KCNA2: variants seen among roughly 807,000 people sequenced by gnomAD.
KCNA2 encodes potassium voltage-gated channel subfamily A member 2, also known as potassium channel, voltage gated shaker related subfamily A, member 2.
A neutral mutation model predicts 33.4 loss-of-function variants in KCNA2; 11 were observed. The ratio of observed to expected loss-of-function variants is 0.33; its 90% CI spans 0.21 to 0.55. The LOEUF (loss-of-function observed/expected upper bound fraction) is 0.55. Ranked by LOEUF, KCNA2 falls within the 20% of genes least tolerant of loss-of-function variation. KCNA2 has a pLI of 0.93. For missense variants in KCNA2, 291 were observed against 621.6 expected (o/e 0.47, Z 5.66); for synonymous variants, 222 against 231.3 (o/e 0.96, Z 0.37).
intron 1 of KCNA2, among the ~76,000 whole-genome samples, chr1:110,615,487 TC>T (rs1444375067): frequency 6.6e-6 from 1 of 152,192 alleles, no homozygotes; most frequent in African/African-American, 2.4e-5. Flanking sequence ...AGTCCCCTAC[TC>T]CCAAACTCTC....
At chr1:110,606,155 C>CAG (rs3050009) in intron 1 of KCNA2, 73 bp downstream of exon 1, 33,118 of 154,676 alleles carry the variant, frequency 0.21, 5,317 homozygotes, top group African/African-American at 0.41. Context: ...CCAGCACACA[C>CAG]ACTCCTTCAG....
In KCNA2 at chr1:110,599,368, G is replaced by C. The variant is rs189059338; in HGVS notation, c.*3915C>G. On this transcript the variant is annotated 3_prime_UTR_variant, in exon 3 of 3. Coordinates refer to ENST00000316361, the MANE Select transcript of KCNA2 (RefSeq NM_004974.4). ...CAGGCCCTCTAAAAAGTGTTAGCTT[G>C]CTTAGCCTTAGATGTATGTTCTTAA... The C allele has an allele frequency of 1.0e-6, 1 of 985,374 alleles. No homozygotes were observed. Among genetic ancestry groups the C allele is most frequent in the East Asian group, 1.1e-4 (1 of 8,822 alleles). 61.0% of individuals were successfully genotyped at this position (985,374 alleles called of 1,614,324 possible). A position where few individuals can be genotyped will look rare whatever the true frequency, so the allele number is the denominator to read the frequency against.
At chr1:110,620,043 A>C (rs1331281271) in intron 1 of KCNA2, among the ~76,000 whole-genome samples, 1 of 125,246 alleles carries the variant, frequency 8.0e-6, no homozygotes, top group Non-Finnish European at 1.6e-5. Context: ...TGAGAGAGAG[A>C]GAGCGAGAGC....
Position 110,594,505 on chromosome 1 carries a change from A to T in KCNA2, c.*8778T>A. The T allele has an allele frequency of 2.0e-6, 2 of 985,338 alleles. No homozygotes were observed. The highest frequency in any genetic ancestry group is 2.4e-6 in the Non-Finnish European group (2 of 829,934). 61.0% of individuals were successfully genotyped at this position (985,338 alleles called of 1,614,324 possible). On this transcript the variant is annotated 3_prime_UTR_variant, in exon 3 of 3. Coordinates refer to ENST00000316361, the MANE Select transcript of KCNA2 (RefSeq NM_004974.4). ...TTGATTGCTGGCACCATTAATCGCAACTGTTCCAAGATTATCCTTAGTGGA... is the reference window on the plus strand; with the variant it reads ...TTGATTGCTGGCACCATTAATCGCATCTGTTCCAAGATTATCCTTAGTGGA...
chr1:110,613,078 G>T (rs1649931705), intron 1 of KCNA2, among the ~76,000 whole-genome samples: 1 of 152,228 alleles, frequency 6.6e-6, no homozygotes, highest in Admixed American at 6.5e-5. Context: ...TTCCAGGAAG[G>T]TGTCAAGAAA....
Position 110,603,220 on chromosome 1 carries a change from G to C in KCNA2, c.*63C>G. ...CACTGTAGAACACACTGACTACAATGCAGGCTATTATGCAACATCTGCATT... is the reference window on the plus strand; with the variant it reads ...CACTGTAGAACACACTGACTACAATCCAGGCTATTATGCAACATCTGCATT... On this transcript the variant is annotated 3_prime_UTR_variant, in exon 3 of 3. Transcript: ENST00000316361. This position sits in a 1 kb window ranked among gnomAD's most constrained non-coding sequence, Gnocchi z 5.7. 6.5e-7 allele frequency: 1 copy of C among 1,542,614 alleles called. No individual in the cohort carries two copies. Among genetic ancestry groups the C allele is most frequent in the Non-Finnish European group, 8.7e-7 (1 of 1,146,732 alleles).
chr1:110,606,196 GTC>G (rs1215403269), intron 1 of KCNA2, 30 bp downstream of exon 1: 1 of 152,598 alleles, frequency 6.6e-6, no homozygotes, highest in Non-Finnish European at 1.5e-5. Context: ...ACACAACAAA[GTC>G]TGCACTGTAC....
chr1:110,610,314 T>G (rs534710209), upstream of KCNA2, among the ~76,000 whole-genome samples: 6 of 152,282 alleles, frequency 3.9e-5, no homozygotes, highest in East Asian at 1.2e-3. Flanking sequence ...GTTCTTCCCA[T>G]TTGTGAATCT....
In KCNA2 at chr1:110,613,322, G is replaced by A. The variant is rs570527057; in HGVS notation, c.-495-7600C>T. Among the ~76,000 whole-genome samples the A allele has an allele frequency of 2.0e-5, 3 of 152,280 alleles. No homozygotes were observed. The South Asian group carries it at 6.2e-4, about 32-fold the overall frequency. ...CTGAGGGGCCTGTGTCCATCTGCAC[G>A]CAGTCTTCCACTAGGTGGAAGCACC... is the stretch of plus-strand genomic sequence containing the variant. On this transcript the variant is annotated intron_variant, in intron 1 of 4. Coordinates refer to the KCNA2 transcript ENST00000369770.
chr1:110,595,857 C>T lies in KCNA2; in HGVS notation c.*7426G>A. 1 of 985,442 alleles carries T rather than the reference C, an allele frequency of 1.0e-6. No homozygotes were observed. The highest frequency in any genetic ancestry group is 1.2e-6 in the Non-Finnish European group (1 of 829,934). 61.0% of individuals were successfully genotyped at this position (985,442 alleles called of 1,614,324 possible). On this transcript the variant is annotated 3_prime_UTR_variant, in exon 3 of 3. Coordinates refer to ENST00000316361, the MANE Select transcript of KCNA2 (RefSeq NM_004974.4). ...ATTGGAATGTTACTTTCAGATCTCA[C>T]AAACCTCAAACCTAGGGCACCACCA...
Position 110,601,788 on chromosome 1 carries a change from A to ATGTGTGTGTGTG in KCNA2, c.*1494_*1495insCACACACACACA, listed in dbSNP as rs774362380. 42 of 1,180,530 alleles carry ATGTGTGTGTGTG rather than the reference A, an allele frequency of 3.6e-5. No homozygotes were observed. The East Asian group carries it at 5.7e-4, about 16-fold the overall frequency. 73.1% of individuals were successfully genotyped at this position (1,180,530 alleles called of 1,614,324 possible). The stretch of plus-strand genomic sequence containing the variant: ...AACTCCAGAAAATGAATATATATAT[A>ATGTGTGTGTGTG]TATATATGTGTGTGTGTGTGTGTGT... On this transcript the variant is annotated 3_prime_UTR_variant, in exon 3 of 3. Coordinates refer to ENST00000316361, the MANE Select transcript of KCNA2 (RefSeq NM_004974.4).
At chr1:110,612,148 C>T (rs1457009587) in intron 1 of KCNA2, among the ~76,000 whole-genome samples, 1 of 152,142 alleles carries the variant, frequency 6.6e-6, no homozygotes, top group Non-Finnish European at 1.5e-5. Flanking sequence ...CCATGAGGCC[C>T]CCTGCTGCTA....
intron 1 of KCNA2, among the ~76,000 whole-genome samples, chr1:110,628,173 T>C (rs1570770797): frequency 6.6e-6 from 1 of 152,202 alleles, no homozygotes; most frequent in African/African-American, 2.4e-5. Flanking sequence ...TATTTAGCCC[T>C]GAGCATTAAT....
At position 110,601,701 on chromosome 1, in the gene KCNA2, A is replaced by G; in HGVS notation, c.*1582T>C. The G allele has an allele frequency of 8.9e-7, 1 of 1,122,914 alleles. No homozygotes were observed. The highest frequency in any genetic ancestry group is 1.1e-6 in the Non-Finnish European group (1 of 920,708). The allele number at this position is 1,122,914 out of a possible 1,614,324, so 69.6% of individuals were successfully genotyped here. On this transcript the variant is annotated 3_prime_UTR_variant, in exon 3 of 3. Coordinates refer to ENST00000316361, the MANE Select transcript of KCNA2 (RefSeq NM_004974.4). The stretch of plus-strand genomic sequence containing the variant: ...CCCAGTGGGGTTACCAATGAGACAA[A>G]TTAACCCATTAGGCCTCTTAGACAG...
At position 110,598,196 on chromosome 1, in the gene KCNA2, C is replaced by G; in HGVS notation, c.*5087G>C. The G allele has an allele frequency of 1.8e-6, 1 of 562,746 alleles. No homozygotes were observed. Among genetic ancestry groups the G allele is most frequent in the Non-Finnish European group, 2.3e-6 (1 of 443,912 alleles). The allele number at this position is 562,746 out of a possible 1,614,324, so 34.9% of individuals were successfully genotyped here. ...CCAAGGAGCACCATGGATATTATAG[C>G]CCTCGCAGATGAGGCGGCCATCACC... On this transcript the variant is annotated 3_prime_UTR_variant, in exon 3 of 3. Coordinates refer to ENST00000316361, the MANE Select transcript of KCNA2 (RefSeq NM_004974.4).
chr1:110,626,307 A>G (rs1029007632), intron 1 of KCNA2, among the ~76,000 whole-genome samples: 4 of 152,222 alleles, frequency 2.6e-5, no homozygotes, highest in African/African-American at 9.7e-5. Flanking sequence ...TTTGATACAG[A>G]AAAAAGCTCT....
rs41281372 is a variant in KCNA2, at chr1:110,602,630, G to A, written c.*653C>T. 9.3e-3 allele frequency: 9,260 copies of A among 996,682 alleles called. 57 individuals are homozygous for A. The highest frequency in any genetic ancestry group is 0.011 in the Non-Finnish European group (8,809 of 837,346). 61.7% of individuals were successfully genotyped at this position (996,682 alleles called of 1,614,324 possible). A position where few individuals can be genotyped will look rare whatever the true frequency, so the allele number is the denominator to read the frequency against. ...ATGTGAAACTTGACAACTCATATTC[G>A]GTCATACTAACTGTCCCTCCCCCGG... On this transcript the variant is annotated 3_prime_UTR_variant, in exon 3 of 3. Transcript: ENST00000316361.
chr1:110,601,664 A>C lies in KCNA2; in HGVS notation c.*1619T>G, dbSNP rs1011320011. 1.4e-4 allele frequency: 145 copies of C among 1,056,594 alleles called. No homozygotes were observed. Among genetic ancestry groups the C allele is most frequent in the Non-Finnish European group, 1.6e-4 (142 of 877,244 alleles). The allele number at this position is 1,056,594 out of a possible 1,614,324, so 65.5% of individuals were successfully genotyped here. A position where few individuals can be genotyped will look rare whatever the true frequency, so the allele number is the denominator to read the frequency against. ...ATACCGGAGTGTCTGAGGCAATGGC[A>C]GCAAACCCAGGCCCAGTGGGGTTAC... is the stretch of plus-strand genomic sequence containing the variant. On this transcript the variant is annotated 3_prime_UTR_variant, in exon 3 of 3. Transcript: ENST00000316361.
chr1:110,603,334 G>C lies in KCNA2; in HGVS notation c.1449C>G (p.Thr483=). The C allele has an allele frequency of 6.2e-7, 1 of 1,613,008 alleles. No individual in the cohort carries two copies. The highest frequency in any genetic ancestry group is 1.3e-5 in the African/African-American group (1 of 74,924). Reference sequence around the variant, plus strand: ...TATTCACATAGTTTGTGTTAGCCAAGGTACAGTTGGCTGTTTTCAAGTTTT... The same window carrying C: ...TATTCACATAGTTTGTGTTAGCCAACGTACAGTTGGCTGTTTTCAAGTTTT... The part of the protein sequence containing the change: ...REENLKTANC[T]LANTNYVNIT... The change falls in exon 3 of 3, where the codon ACC becomes ACG. Residue 483 remains threonine (T), a synonymous_variant. Coordinates refer to ENST00000316361, the MANE Select transcript of KCNA2 (RefSeq NM_004974.4). This position sits in a 1 kb window ranked among gnomAD's most constrained non-coding sequence, Gnocchi z 5.7.
Sources: allele counts gnomAD v4.1 joint callset (sites outside exome capture counted in the v4.1 genomes callset), GRCh38; gene constraint gnomAD v4.1.1; non-coding constraint Gnocchi (gnomAD v3.1); transcripts MANE v1.5; gene names NCBI Gene and HGNC (gene_info 2026-07-23, HGNC 2026-07-21).